The following ZNF35 variants were observed in gnomAD, a reference collection of about 807,000 sequenced individuals.
ZNF35 encodes zinc finger protein 35, also known as zinc finger protein 35 (clone HF.10).
A neutral mutation model predicts 45.9 loss-of-function variants in ZNF35; 31 were observed. That is an observed-to-expected ratio of 0.68 (90% CI 0.51 to 0.91). The LOEUF (loss-of-function observed/expected upper bound fraction) is 0.91, where lower values mean the gene tolerates loss of function less well. ZNF35 is among the 40% of genes least tolerant of loss of function. The pLI is 0.00. For missense variants in ZNF35, 515 were observed against 625.4 expected (o/e 0.82, Z 1.88); for synonymous variants, 205 against 220.2 (o/e 0.93, Z 0.61).
In ZNF35 at chr3:44,652,597, C is replaced by A; in HGVS notation, c.233C>A (p.Ala78Glu). 1 of 1,610,426 alleles carries A rather than the reference C, an allele frequency of 6.2e-7. No homozygotes were observed. The highest frequency in any genetic ancestry group is 8.5e-7 in the Non-Finnish European group (1 of 1,178,508). Residue 78 changes from alanine to glutamate, a missense_variant, in exon 3 of 4, where the codon GCA becomes GAA. By Grantham distance (107) the Ala-to-Glu change is moderately radical. Coordinates refer to ENST00000396056, the MANE Select transcript of ZNF35 (RefSeq NM_003420.4). ...TGGGATATGGCGGTAGTCCTGAAAG[C>A]AACTCAGGAGGCACCTGCTGCTTCA... ...ISWDMAVVLKATQEAPAASTL... is the reference protein window; with the variant it reads ...ISWDMAVVLKETQEAPAASTL...
At chr3:44,655,605 G>A (rs1703285939) in intron 3 of ZNF35, among the ~76,000 whole-genome samples, 1 of 152,098 alleles carries the variant, frequency 6.6e-6, no homozygotes, top group Non-Finnish European at 1.5e-5. Flanking sequence ...ATAAGCCAAG[G>A]TTATACGCCC....
intron 1 of ZNF35, among the ~76,000 whole-genome samples, chr3:44,649,605 TG>T (rs893542160): frequency 2.0e-5 from 3 of 152,070 alleles, no homozygotes; most frequent in Non-Finnish European, 4.4e-5. Flanking sequence ...TGTCAATTAG[TG>T]GGGGTGTGAA....
intron 3 of ZNF35, 70 bp downstream of exon 3, chr3:44,652,771 G>A: frequency 7.0e-7 from 1 of 1,429,154 alleles, no homozygotes. Flanking sequence ...AGACTGGTGG[G>A]CATCCAGTCT....
At chr3:44,649,050 A>G (rs931235646) in intron 1 of ZNF35, among the ~76,000 whole-genome samples, 1 of 152,218 alleles carries the variant, frequency 6.6e-6, no homozygotes, top group African/African-American at 2.4e-5. Flanking sequence ...GGACCGGCCA[A>G]GGGGCCAGAT....
At chr3:44,650,535 A>G (rs967931321) in intron 1 of ZNF35, among the ~76,000 whole-genome samples, 2 of 152,244 alleles carry the variant, frequency 1.3e-5, no homozygotes, top group African/African-American at 4.8e-5. Context: ...AAAAACAAGA[A>G]TTTGTAAAAT....
At chr3:44,656,454 G>A (rs551802319) in intron 3 of ZNF35, among the ~76,000 whole-genome samples, 1 of 149,204 alleles carries the variant, frequency 6.7e-6, no homozygotes, top group South Asian at 2.1e-4. Flanking sequence ...GCAGTGGCAC[G>A]ATTTCGGCTA....
chr3:44,651,236 G>C lies in ZNF35; in HGVS notation c.169G>C (p.Asp57His). The C allele has an allele frequency of 2.5e-6, 4 of 1,613,876 alleles. No individual in the cohort carries two copies. The highest frequency in any genetic ancestry group is 3.4e-6 in the Non-Finnish European group (4 of 1,179,942). Residue 57 changes from aspartate (D) to histidine (H), a missense_variant, in exon 2 of 4, where the codon GAT becomes CAT. By Grantham distance (81) the Asp-to-His change is moderately conservative. This residue lies in a region of ZNF35 where 275 missense variants were observed against 295.7 expected (regional missense o/e 0.93). Transcript: ENST00000396056. The stretch of plus-strand genomic sequence containing the variant: ...AGTGCAGGGTCTTCAGACAGGCCTT[G>C]ATGGATCAGAAGAGGAAGAAAAGGT... ...APVQGLQTGLDGSEEEEKGQN... is the reference protein window; with the variant it reads ...APVQGLQTGLHGSEEEEKGQN...
At chr3:44,656,422 G>A (rs1479262231) in intron 3 of ZNF35, among the ~76,000 whole-genome samples, 4 of 148,550 alleles carry the variant, frequency 2.7e-5, no homozygotes, top group Admixed American at 6.7e-5. Flanking sequence ...GATGAGTTTC[G>A]CTCTGCTGCC....
chr3:44,659,366 G>C lies in ZNF35; in HGVS notation c.1003G>C (p.Glu335Gln), dbSNP rs773798504. The C allele has an allele frequency of 9.9e-6, 16 of 1,613,942 alleles. No individual in the cohort carries two copies. Among genetic ancestry groups the C allele is most frequent in the Non-Finnish European group, 1.4e-5 (16 of 1,179,962 alleles). Reference protein sequence around the residue: ...QKVHITEKCYECNECGKTFTR... With the variant: ...QKVHITEKCYQCNECGKTFTR... ...AGTCCACATTACGGAAAAATGCTATGAATGTAATGAATGTGGGAAAACATT... is the reference window on the plus strand; with the variant it reads ...AGTCCACATTACGGAAAAATGCTATCAATGTAATGAATGTGGGAAAACATT... Residue 335 changes from glutamate (E) to glutamine (Q), a missense_variant, in exon 4 of 4, where the codon GAA (glutamate) becomes CAA (glutamine). Transcript: ENST00000396056. This position sits in a 1 kb window ranked among gnomAD's most constrained non-coding sequence, Gnocchi z 4.3.
At chr3:44,656,810 G>A (rs557330385) in intron 3 of ZNF35, among the ~76,000 whole-genome samples, 31 of 150,298 alleles carry the variant, frequency 2.1e-4, no homozygotes, top group African/African-American at 7.4e-4. Flanking sequence ...TGATTATCCT[G>A]TCTCAGCCTC....
chr3:44,654,167 G>A (rs1247514576), intron 3 of ZNF35, among the ~76,000 whole-genome samples: 1 of 152,090 alleles, frequency 6.6e-6, no homozygotes, highest in African/African-American at 2.4e-5. Flanking sequence ...TCAGGAATGG[G>A]CTCCCTTTTC....
rs35391505 is a variant in ZNF35 at position 44,656,393 on chromosome 3, A to AT, written c.338-2292dup. On this transcript the variant is annotated intron_variant, in intron 3 of 3. Coordinates refer to ENST00000396056, the MANE Select transcript of ZNF35 (RefSeq NM_003420.4). ...AACCAGAAAAAGTTTAGCATTTCAG[A>AT]TTTTTTTTTTTTTTTTGAGATGAGT... Among the ~76,000 whole-genome samples the AT allele has an allele frequency of 4.5e-3, 654 of 144,254 alleles. 4 individuals carry two copies. Among genetic ancestry groups the AT allele is most frequent in the African/African-American group, 0.012 (473 of 39,440 alleles). 94.6% of individuals were successfully genotyped at this position (144,254 alleles called of 152,430 possible). A position where few individuals can be genotyped will look rare whatever the true frequency, so the allele number is the denominator to read the frequency against.
chr3:44,657,491 G>T (rs1559484711), intron 3 of ZNF35, among the ~76,000 whole-genome samples: 2 of 152,216 alleles, frequency 1.3e-5, no homozygotes, highest in Admixed American at 6.5e-5. Flanking sequence ...CAAGGTTAAG[G>T]AAAGTGAGTG....
At chr3:44,653,021 T>C (rs541908195) in intron 3 of ZNF35, among the ~76,000 whole-genome samples, 1 of 152,310 alleles carries the variant, frequency 6.6e-6, no homozygotes, top group East Asian at 1.9e-4. Context: ...TAGGTGTTTA[T>C]GTACAGGGTA....
chr3:44,658,798 T>C lies in ZNF35; in HGVS notation c.435T>C (p.Ala145=). Residue 145 remains alanine, a synonymous_variant, in exon 4 of 4, where the codon GCT becomes GCC. Transcript: ENST00000396056. The part of the protein sequence containing the change: ...PLIISERIQK[A]DPQGPELGEA... The stretch of plus-strand genomic sequence containing the variant: ...TCATATCAGAAAGAATCCAGAAAGC[T>C]GATCCTCAAGGACCTGAGTTAGGAG... 6.2e-7 allele frequency: 1 copy of C among 1,612,160 alleles called. No homozygotes were observed. The highest frequency in any genetic ancestry group is 1.7e-5 in the Admixed American group (1 of 59,530).
chr3:44,657,513 C>T (rs1703330645), intron 3 of ZNF35, among the ~76,000 whole-genome samples: 1 of 152,146 alleles, frequency 6.6e-6, no homozygotes, highest in South Asian at 2.1e-4. Flanking sequence ...GCAGAGGAGA[C>T]AAACATAAAG....
chr3:44,647,723 T>C (rs1703041195), upstream of ZNF35: 1 of 152,232 alleles, frequency 6.6e-6, no homozygotes, highest in South Asian at 2.1e-4. Context: ...ATGAAAATAT[T>C]CATATAACAT....
At position 44,659,682 on chromosome 3, in the gene ZNF35, A is replaced by G. The variant is rs1377172324; in HGVS notation, c.1319A>G (p.His440Arg). Residue 440 changes from histidine to arginine, a missense_variant, in exon 4 of 4, where the codon CAC (histidine) becomes CGC (arginine). His to Arg is a conservative substitution (Grantham distance 29). Transcript: ENST00000396056. This position sits in a 1 kb window ranked among gnomAD's most constrained non-coding sequence, Gnocchi z 4.3. ...LSCLIVHQRI[H>R]SGDLPYVCNE... is the part of the protein sequence containing the mutation. ...TGCCTTATTGTCCACCAGAGAATTC[A>G]CAGTGGAGATCTTCCTTACGTGTGT... 3 of 1,614,246 alleles carry G rather than the reference A, an allele frequency of 1.9e-6. No individual in the cohort carries two copies. Among genetic ancestry groups the G allele is most frequent in the Non-Finnish European group, 1.7e-6 (2 of 1,180,034 alleles).
At chr3:44,646,583 C>G, upstream of ZNF35, 1 of 942,154 alleles carries the variant, frequency 1.1e-6, no homozygotes, top group Non-Finnish European at 1.7e-6. Flanking sequence ...AGAAAGCTGC[C>G]CTGGATTCTT....
Sources: gnomAD v4.1 joint callset for allele counts (sites outside exome capture counted in the v4.1 genomes callset) on GRCh38, gnomAD v4.1.1 for gene constraint, gnomAD v4.1.1 regional missense constraint, Gnocchi (gnomAD v3.1) non-coding constraint, MANE v1.5 for transcripts, NCBI Gene and HGNC (gene_info 2026-07-23, HGNC 2026-07-21) for gene names.